Variants in ADCK2 observed in about 807,000 individuals in gnomAD.
ADCK2 encodes uncharacterized aarF domain-containing protein kinase 2.
ADCK2 carries 37 observed loss-of-function variants against 52.3 expected under a neutral mutation model. The ratio of observed to expected loss-of-function variants is 0.71; its 90% confidence interval spans 0.54 to 0.93. The LOEUF (loss-of-function observed/expected upper bound fraction) is 0.93, where lower values mean the gene tolerates loss of function less well. Ranked by LOEUF, ADCK2 falls within the 40% of genes least tolerant of loss-of-function variation. The probability of loss-of-function intolerance (pLI) is 0.00; values close to 1 mark genes in which losing one functional copy is unlikely to be tolerated. For missense variants in ADCK2, 695 were observed against 798.7 expected (o/e 0.87, Z 1.56); for synonymous variants, 321 against 349.2 (o/e 0.92, Z 0.90).
Position 140,673,379 on chromosome 7 carries a change from A to T in ADCK2, c.49A>T (p.Arg17Trp), listed in dbSNP as rs1378251358. The change falls in exon 1 of 8, where the codon AGG becomes TGG. Residue 17 changes from arginine to tryptophan, a missense_variant. By Grantham distance (101) the Arg-to-Trp change is moderately radical (BLOSUM62 -3). Coordinates refer to ENST00000072869, the MANE Select transcript of ADCK2 (RefSeq NM_052853.4). This position sits in a 1 kb window ranked among gnomAD's most constrained non-coding sequence, Gnocchi z 6.4. Reference sequence around the variant, plus strand: ...CGTCAGGGTTTGCCTGTCGCACCTGAGGTGCTTCGAGCTCAGACAGGGACT... The same window carrying T: ...CGTCAGGGTTTGCCTGTCGCACCTGTGGTGCTTCGAGCTCAGACAGGGACT... ...VSVRVCLSHL[R>W]CFELRQGLSL... The T allele has an allele frequency of 6.5e-7, 1 of 1,538,392 alleles. No individual in the cohort carries two copies. The highest frequency in any genetic ancestry group is 8.7e-7 in the Non-Finnish European group (1 of 1,143,238).
At chr7:140,675,405 A>G (rs1794384774) in intron 2 of ADCK2, among the ~76,000 whole-genome samples, 1 of 152,178 alleles carries the variant, frequency 6.6e-6, no homozygotes, top group Non-Finnish European at 1.5e-5. Flanking sequence ...TCGGCCTTCC[A>G]AAGTGCTGAG....
chr7:140,679,551 A>C (rs1794479833), intron 3 of ADCK2, among the ~76,000 whole-genome samples: 1 of 151,998 alleles, frequency 6.6e-6, no homozygotes, highest in South Asian at 2.1e-4. Context: ...TCTCAGGAGT[A>C]AATGACACAC....
intron 4 of ADCK2, among the ~76,000 whole-genome samples, chr7:140,685,091 A>C (rs1794583217): frequency 6.6e-6 from 1 of 152,062 alleles, no homozygotes. Flanking sequence ...AAAAAAAAAA[A>C]CAACTGAATT....
intron 3 of ADCK2, 122 bp downstream of exon 3, chr7:140,679,405 G>C: frequency 7.0e-7 from 1 of 1,431,334 alleles, no homozygotes; most frequent in Non-Finnish European, 9.5e-7. Flanking sequence ...AAAACTGTGA[G>C]GAGCTGGGAT....
At chr7:140,683,670 C>T (rs1487572137) in intron 4 of ADCK2, among the ~76,000 whole-genome samples, 3 of 152,188 alleles carry the variant, frequency 2.0e-5, no homozygotes, top group Non-Finnish European at 2.9e-5. Flanking sequence ...TCACAAAGGC[C>T]AGAGCCGTGG....
intron 4 of ADCK2, among the ~76,000 whole-genome samples, chr7:140,685,091 AC>A (rs199620227): frequency 6.6e-6 from 1 of 152,062 alleles, no homozygotes; most frequent in Non-Finnish European, 1.5e-5. Flanking sequence ...AAAAAAAAAA[AC>A]AACTGAATTA....
In ADCK2 at chr7:140,684,793, G is replaced by A. The variant is rs141751038; in HGVS notation, c.1306-2197G>A. Among the ~76,000 whole-genome samples the A allele has an allele frequency of 3.4e-3, 524 of 152,294 alleles. 3 individuals are homozygous for A. The highest frequency in any genetic ancestry group is 0.012 in the African/African-American group (501 of 41,558). On this transcript the variant is annotated intron_variant, in intron 4 of 7. Transcript: ENST00000072869. ...AATTCCACTCCACCCCAGGGCCTGTGGGATGGGGAGTCAGCAGCTCCCACC... is the reference window on the plus strand; with the variant it reads ...AATTCCACTCCACCCCAGGGCCTGTAGGATGGGGAGTCAGCAGCTCCCACC...
Position 140,673,198 on chromosome 7 carries a change from G to A in ADCK2, c.-133G>A. 1 of 661,594 alleles carries A rather than the reference G, an allele frequency of 1.5e-6. No individual in the cohort carries two copies. Among genetic ancestry groups the A allele is most frequent in the Non-Finnish European group, 2.2e-6 (1 of 456,106 alleles). 41.0% of individuals were successfully genotyped at this position (661,594 alleles called of 1,614,324 possible). ...GGCCCGGCGAGGTGCTGGAGGGAGC[G>A]GGGCGCGGATCCGGCCCAGATGGGC... On this transcript the variant is annotated 5_prime_UTR_variant, in exon 1 of 8. Coordinates refer to ENST00000072869, the MANE Select transcript of ADCK2 (RefSeq NM_052853.4). The surrounding 1 kb of genome is among the most constrained non-coding windows in gnomAD (Gnocchi z 6.4).
Position 140,681,253 on chromosome 7 carries a change from G to A in ADCK2, c.1305+116G>A, listed in dbSNP as rs535225380. ...GGAGAGCGAAGCAGCAAGCCGCCAG[G>A]TTGAGAAAGTCTGGTCTAGAAAGAG... On this transcript the variant is annotated intron_variant, in intron 4 of 7. Coordinates refer to ENST00000072869, the MANE Select transcript of ADCK2 (RefSeq NM_052853.4). The A allele has an allele frequency of 4.3e-5, 39 of 898,630 alleles. No individual in the cohort carries two copies. In the South Asian group the frequency reaches 4.6e-4, roughly 11 times the overall value. 55.7% of individuals were successfully genotyped at this position (898,630 alleles called of 1,614,324 possible).
Position 140,684,214 on chromosome 7 carries a change from G to GCTC in ADCK2, c.1306-2776_1306-2775insCTC, listed in dbSNP as rs369362664. On this transcript the variant is annotated intron_variant, in intron 4 of 7. Transcript: ENST00000072869. ...TTCCAGTTTACTAGCTCAGGGCAGA[G>GCTC]AGGAGTGTCTGGGGCAAGTTACTTA... 3.3e-5 allele frequency among the ~76,000 whole-genome samples: 5 copies of GCTC among 152,252 alleles called. No homozygotes were observed. In the East Asian group the frequency reaches 7.7e-4, roughly 24 times the overall value.
Position 140,694,753 on chromosome 7 carries a change from C to T in ADCK2, c.1831C>T (p.Leu611=). ...CTCACTGGACCCCAAACTGGACATC[C>T]TGGAGGCAGCGAGGCCCTTCCTCCT... ...GRSLDPKLDI[L]EAARPFLLTG... The change falls in exon 8 of 8, where the codon CTG becomes TTG. Residue 611 remains leucine (L), a synonymous_variant. Coordinates refer to ENST00000072869, the MANE Select transcript of ADCK2 (RefSeq NM_052853.4). The T allele has an allele frequency of 6.2e-7, 1 of 1,614,096 alleles. No homozygotes were observed. The highest frequency in any genetic ancestry group is 8.5e-7 in the Non-Finnish European group (1 of 1,179,962).
intron 5 of ADCK2, 132 bp downstream of exon 5, chr7:140,687,373 A>C (rs911700851): frequency 1.6e-6 from 2 of 1,249,426 alleles, no homozygotes; most frequent in African/African-American, 3.0e-5. Flanking sequence ...TGAGCCCAGG[A>C]GTTCAAGGCC....
chr7:140,679,660 CTCT>C lies in ADCK2; in HGVS notation c.1209+379_1209+381del, dbSNP rs1427168528. Among the ~76,000 whole-genome samples the C allele has an allele frequency of 5.9e-5, 8 of 136,038 alleles. No individual in the cohort carries two copies. The East Asian group carries it at 1.7e-3, about 29-fold the overall frequency. The allele number at this position is 136,038 out of a possible 152,430, so 89.2% of individuals were successfully genotyped here. A position where few individuals can be genotyped will look rare whatever the true frequency, so the allele number is the denominator to read the frequency against. ...CCTCTACTCTAGTTCAGCCTTCTCT[CTCT>C]TTTTTTTTTTTTTTTTTTTTTTTTT... On this transcript the variant is annotated intron_variant, in intron 3 of 7. Coordinates refer to ENST00000072869, the MANE Select transcript of ADCK2 (RefSeq NM_052853.4).
In ADCK2 at chr7:140,674,953, A is replaced by G. The variant is rs891504801; in HGVS notation, c.1080+196A>G. 1.3e-4 allele frequency among the ~76,000 whole-genome samples: 20 copies of G among 152,302 alleles called. 1 individual carries two copies. Among genetic ancestry groups the G allele is most frequent in the Admixed American group, 6.5e-4 (10 of 15,300 alleles). The stretch of plus-strand genomic sequence containing the variant: ...AACAAATTAATTTTTTGCTTATATC[A>G]AAGTTCTGGCCGGGCGTGGTGGCTC... On this transcript the variant is annotated intron_variant, in intron 2 of 7. Transcript: ENST00000072869. The surrounding 1 kb of genome is among the most constrained non-coding windows in gnomAD (Gnocchi z 4.6).
Position 140,673,404 on chromosome 7 carries a change from T to G in ADCK2, c.74T>G (p.Leu25Arg), listed in dbSNP as rs752510115. Residue 25 changes from leucine to arginine, a missense_variant, in exon 1 of 8, where the codon CTC becomes CGC. Physicochemically the swap from Leu to Arg is moderately radical, Grantham distance 102. Coordinates refer to ENST00000072869, the MANE Select transcript of ADCK2 (RefSeq NM_052853.4). This position sits in a 1 kb window ranked among gnomAD's most constrained non-coding sequence, Gnocchi z 6.4. ...HLRCFELRQG[L>R]SLLRPSECPR... ...AGGTGCTTCGAGCTCAGACAGGGACTCAGCCTCCTGAGGCCCTCCGAGTGC... is the reference window on the plus strand; with the variant it reads ...AGGTGCTTCGAGCTCAGACAGGGACGCAGCCTCCTGAGGCCCTCCGAGTGC... 1.3e-5 allele frequency: 20 copies of G among 1,586,108 alleles called. No individual in the cohort carries two copies. Among genetic ancestry groups the G allele is most frequent in the Non-Finnish European group, 1.7e-5 (20 of 1,166,484 alleles).
Position 140,678,839 on chromosome 7 carries a change from G to A in ADCK2, c.1081-316G>A, listed in dbSNP as rs1794467440. 6.6e-6 allele frequency among the ~76,000 whole-genome samples: 1 copy of A among 152,204 alleles called. No homozygotes were observed. Among genetic ancestry groups the A allele is most frequent in the Non-Finnish European group, 1.5e-5 (1 of 68,026 alleles). ...TGGCCTGGAGAAGCCAGACCCCAGG[G>A]AGACGGGGAAGGGACTCATGGGCTG... On this transcript the variant is annotated intron_variant, in intron 2 of 7. Transcript: ENST00000072869. The surrounding 1 kb of genome is among the most constrained non-coding windows in gnomAD (Gnocchi z 4.9).
chr7:140,690,743 T>G lies in ADCK2; in HGVS notation c.1687-17T>G. The G allele has an allele frequency of 6.2e-7, 1 of 1,611,556 alleles. No individual in the cohort carries two copies. Among genetic ancestry groups the G allele is most frequent in the Non-Finnish European group, 8.5e-7 (1 of 1,179,060 alleles). On this transcript the variant is annotated splice_polypyrimidine_tract_variant and intron_variant, in intron 6 of 7. Transcript: ENST00000072869. ...AAGGCTCGGTGGTCTGCATTAGCCT[T>G]TATTTTGTTTTTCCAGCTTCATGTG... is the stretch of plus-strand genomic sequence containing the variant.
chr7:140,682,153 C>T (rs1273570790), intron 4 of ADCK2, among the ~76,000 whole-genome samples: 2 of 152,232 alleles, frequency 1.3e-5, no homozygotes, highest in African/African-American at 4.8e-5. Flanking sequence ...AATTACAATG[C>T]TCGTGACATA....
At chr7:140,689,916 G>T (rs1432991591) in intron 6 of ADCK2, among the ~76,000 whole-genome samples, 191 bp downstream of exon 6, 1 of 152,114 alleles carries the variant, frequency 6.6e-6, no homozygotes, top group Admixed American at 6.5e-5. Flanking sequence ...TCCTTGTGCG[G>T]TGCCACTTAG....
Sources: gnomAD v4.1 joint callset for allele counts (sites outside exome capture counted in the v4.1 genomes callset) on GRCh38, gnomAD v4.1.1 for gene constraint, Gnocchi (gnomAD v3.1) non-coding constraint, MANE v1.5 for transcripts, NCBI Gene and HGNC (gene_info 2026-07-23, HGNC 2026-07-21) for gene names.